The following CA10 variants were observed in gnomAD, a reference collection of about 807,000 sequenced individuals.
CA10 encodes the protein carbonic anhydrase 10 (inactive), also known as carbonic anhydrase-related protein 10.
Under a neutral mutation model 44.2 loss-of-function variants are expected in CA10, and 14 were observed. The observed-to-expected ratio is 0.32, with a 90% CI of 0.21 to 0.50. The LOEUF (loss-of-function observed/expected upper bound fraction) is 0.50, where lower values mean the gene tolerates loss of function less well. CA10 is among the 20% of genes least tolerant of loss of function. The pLI is 0.99. For missense variants in CA10, 350 were observed against 409.7 expected (o/e 0.85, Z 1.26); for synonymous variants, 159 against 141.6 (o/e 1.12, Z -0.87).
chr17:51,979,340 CTTTTA>C (rs1465877923), intron 2 of CA10, among the ~76,000 whole-genome samples: 7 of 151,926 alleles, frequency 4.6e-5, no homozygotes, highest in Admixed American at 6.6e-5. Flanking sequence ...ATTTTTTAAA[CTTTTA>C]TTTTATATTT....
chr17:51,884,547 A>G (rs1980514478), intron 3 of CA10, among the ~76,000 whole-genome samples: 1 of 152,114 alleles, frequency 6.6e-6, no homozygotes, highest in Non-Finnish European at 1.5e-5. Flanking sequence ...GAGGCTTTCC[A>G]TGACTATGGT....
At chr17:51,930,733 G>T (rs1027906611) in intron 3 of CA10, among the ~76,000 whole-genome samples, 3 of 151,934 alleles carry the variant, frequency 2.0e-5, no homozygotes, top group African/African-American at 7.3e-5. Context: ...TCCTTTATGG[G>T]GGTACCAAGG....
At position 51,974,709 on chromosome 17, in the gene CA10, G is replaced by C. The variant is rs556779237; in HGVS notation, c.137-43577C>G. On this transcript the variant is annotated intron_variant, in intron 2 of 8. Transcript: ENST00000451037. ...TTTTACCGAAAATAAAATTTTAAAA[G>C]CTGTCAGAAAAGGTACATTACATAC... 7.2e-5 allele frequency among the ~76,000 whole-genome samples: 11 copies of C among 152,174 alleles called. No homozygotes were observed. In the South Asian group the frequency reaches 2.3e-3, roughly 32 times the overall value.
intron 1 of CA10, among the ~76,000 whole-genome samples, chr17:52,109,565 TG>T (rs1988746144): frequency 6.6e-6 from 1 of 152,240 alleles, no homozygotes; most frequent in Admixed American, 6.5e-5. Flanking sequence ...TGCAGATTAA[TG>T]CAGATTACAT....
At chr17:51,740,379 A>G (rs1199582138) in intron 4 of CA10, among the ~76,000 whole-genome samples, 5 of 152,110 alleles carry the variant, frequency 3.3e-5, no homozygotes, top group Non-Finnish European at 5.9e-5. Context: ...GCAGATGCGT[A>G]ATCATTCGTA....
chr17:52,003,314 C>G (rs978705422), intron 2 of CA10, among the ~76,000 whole-genome samples: 5 of 151,922 alleles, frequency 3.3e-5, no homozygotes, highest in African/African-American at 1.2e-4. Flanking sequence ...CGGATGCCCT[C>G]CAGTTTATAA....
intron 3 of CA10, among the ~76,000 whole-genome samples, chr17:51,913,176 G>A (rs1981856810): frequency 1.3e-5 from 2 of 152,190 alleles, no homozygotes; most frequent in Admixed American, 6.5e-5. Context: ...AGAATCACAA[G>A]GGTATTGATT....
chr17:51,793,081 C>A (rs1187527190), intron 3 of CA10, among the ~76,000 whole-genome samples: 2 of 152,156 alleles, frequency 1.3e-5, no homozygotes, highest in Admixed American at 6.5e-5. Context: ...GTCACATTAT[C>A]CCTGTCTATG....
chr17:52,102,183 G>C (rs1785643952), intron 1 of CA10, among the ~76,000 whole-genome samples: 2 of 152,040 alleles, frequency 1.3e-5, no homozygotes, highest in Admixed American at 1.3e-4. Context: ...CTTTTAACTT[G>C]CCAACCTAAA....
At chr17:51,736,154 G>A (rs759277962) in intron 4 of CA10, among the ~76,000 whole-genome samples, 4 of 152,072 alleles carry the variant, frequency 2.6e-5, no homozygotes, top group Non-Finnish European at 5.9e-5. Context: ...GAGGAAATTG[G>A]GGCACAAGGA....
At chr17:52,093,439 C>A (rs951916968) in intron 1 of CA10, among the ~76,000 whole-genome samples, 1 of 152,144 alleles carries the variant, frequency 6.6e-6, no homozygotes, top group Admixed American at 6.5e-5. Flanking sequence ...CCATCACCAA[C>A]CCATGGAAAA....
chr17:52,016,645 G>A (rs1985977241), intron 2 of CA10, among the ~76,000 whole-genome samples: 1 of 152,066 alleles, frequency 6.6e-6, no homozygotes, highest in South Asian at 2.1e-4. Flanking sequence ...AGATGTGGTG[G>A]CTCAAACTTG....
chr17:51,662,994 T>C (rs1038615800), intron 4 of CA10, among the ~76,000 whole-genome samples: 3 of 152,208 alleles, frequency 2.0e-5, no homozygotes, highest in African/African-American at 7.2e-5. Context: ...CCTAGTCAGA[T>C]ACCTCTTCTG....
At chr17:52,037,444 G>A (rs762624330) in intron 2 of CA10, among the ~76,000 whole-genome samples, 10 of 152,174 alleles carry the variant, frequency 6.6e-5, no homozygotes, top group Non-Finnish European at 1.0e-4. Flanking sequence ...AGAACCAGGA[G>A]AGGCAACTTA....
chr17:51,732,355 A>G (rs994468223), intron 4 of CA10, among the ~76,000 whole-genome samples: 1 of 152,196 alleles, frequency 6.6e-6, no homozygotes, highest in African/African-American at 2.4e-5. Flanking sequence ...TATTCTTTCT[A>G]TTAATGGGTG....
intron 1 of CA10, among the ~76,000 whole-genome samples, chr17:52,097,311 C>T (rs967105585): frequency 1.3e-5 from 2 of 152,100 alleles, no homozygotes; most frequent in African/African-American, 2.4e-5. Flanking sequence ...TTAATTTCCC[C>T]TGAATCCCAG....
At chr17:51,793,166 G>A (rs1906586111) in intron 3 of CA10, among the ~76,000 whole-genome samples, 1 of 152,186 alleles carries the variant, frequency 6.6e-6, no homozygotes, top group Admixed American at 6.5e-5. Context: ...TCAAGAAATG[G>A]AAAATTTCGC....
intron 2 of CA10, among the ~76,000 whole-genome samples, chr17:51,994,380 GCACGTGACCTTAGTCAAGT>G (rs1985153321): frequency 6.6e-6 from 1 of 152,034 alleles, no homozygotes; most frequent in African/African-American, 2.4e-5. Flanking sequence ...GACCAAATTT[GCACGTGACCTTAGTCAAGT>G]CACGTTTCTT....
intron 1 of CA10, among the ~76,000 whole-genome samples, chr17:52,081,108 G>C (rs1414766330): frequency 1.3e-5 from 2 of 152,166 alleles, no homozygotes; most frequent in African/African-American, 4.8e-5. Flanking sequence ...GAGGGAGACA[G>C]AGAAAAGGAA....
Sources: gnomAD v4.1 joint callset for allele counts (sites outside exome capture counted in the v4.1 genomes callset) on GRCh38, gnomAD v4.1.1 for gene constraint, MANE v1.5 for transcripts, NCBI Gene and HGNC (gene_info 2026-07-23, HGNC 2026-07-21) for gene names.